Variants in ST6GALNAC5 observed in about 807,000 individuals in gnomAD.
ST6GALNAC5 encodes the protein alpha-N-acetylgalactosaminide alpha-2,6-sialyltransferase 5.
In ST6GALNAC5, 27 loss-of-function variants were observed where a neutral mutation model predicts 33.6. The observed-to-expected ratio is 0.80, with a 90% CI of 0.59 to 1.11. The LOEUF (loss-of-function observed/expected upper bound fraction) is 1.11, where lower values mean the gene tolerates loss of function less well. ST6GALNAC5 is among the 50% of genes least tolerant of loss of function. The pLI, the probability that ST6GALNAC5 is intolerant of heterozygous loss-of-function variation, is 0.00. For missense variants in ST6GALNAC5, 428 were observed against 454.0 expected, an observed-to-expected ratio of 0.94 and a Z score of 0.52; for synonymous variants, 194 against 171.2, an observed-to-expected ratio of 1.13 and a Z score of -1.04.
intron 2 of ST6GALNAC5, among the ~76,000 whole-genome samples, chr1:76,997,415 C>T (rs1268400664): frequency 6.6e-6 from 1 of 152,062 alleles, no homozygotes; most frequent in African/African-American, 2.4e-5. Context: ...AATGAATGAG[C>T]CTAGTTTTGA....
intron 2 of ST6GALNAC5, among the ~76,000 whole-genome samples, chr1:76,889,933 C>A (rs1049585841): frequency 4.6e-5 from 7 of 151,882 alleles, no homozygotes; most frequent in African/African-American, 1.7e-4. Flanking sequence ...ATAACTTAAA[C>A]CTTTGTAAGT....
chr1:76,913,906 C>T lies in ST6GALNAC5; in HGVS notation c.261+45164C>T, dbSNP rs572314523. Among the ~76,000 whole-genome samples the T allele has an allele frequency of 1.1e-4, 16 of 152,192 alleles. No individual in the cohort carries two copies. The South Asian group carries it at 2.7e-3, about 26-fold the overall frequency. On this transcript the variant is annotated intron_variant, in intron 2 of 4. Transcript: ENST00000477717. ...TAGGAAAAGAGGAAGTCAAATTGTC[C>T]CTGTTTGCAGACGACATGATTGTAT... is the stretch of plus-strand genomic sequence containing the variant.
At chr1:76,994,409 T>C (rs1205232897) in intron 2 of ST6GALNAC5, among the ~76,000 whole-genome samples, 1 of 152,228 alleles carries the variant, frequency 6.6e-6, no homozygotes, top group Non-Finnish European at 1.5e-5. Context: ...GGCTGAAACA[T>C]TCACAACTAG....
intron 2 of ST6GALNAC5, among the ~76,000 whole-genome samples, chr1:76,910,413 T>C (rs1414041726): frequency 1.3e-5 from 2 of 152,054 alleles, no homozygotes; most frequent in Non-Finnish European, 2.9e-5. Context: ...AAGTAAATAT[T>C]GTAATTTCAG....
intron 2 of ST6GALNAC5, among the ~76,000 whole-genome samples, chr1:76,889,358 T>G (rs991491218): frequency 6.6e-6 from 1 of 152,132 alleles, no homozygotes; most frequent in African/African-American, 2.4e-5. Context: ...TACCTGAATA[T>G]TACCCATGAT....
intron 2 of ST6GALNAC5, among the ~76,000 whole-genome samples, chr1:76,962,066 T>C (rs1648260128): frequency 6.6e-6 from 1 of 152,182 alleles, no homozygotes; most frequent in African/African-American, 2.4e-5. Context: ...TGAACAATCA[T>C]GTAGGCAGAT....
intron 2 of ST6GALNAC5, among the ~76,000 whole-genome samples, chr1:77,005,873 C>G (rs1296177454): frequency 6.6e-6 from 1 of 152,196 alleles, no homozygotes; most frequent in Non-Finnish European, 1.5e-5. Flanking sequence ...TAGTTTGAAT[C>G]AGAATTTCAT....
At chr1:76,998,894 C>G (rs184814281) in intron 2 of ST6GALNAC5, among the ~76,000 whole-genome samples, 211 of 152,196 alleles carry the variant, frequency 1.4e-3, no homozygotes, top group Middle Eastern at 3.4e-3. Context: ...AACAGCCAGC[C>G]TGTTATAGAA....
chr1:77,044,952 T>G (rs905218101), intron 3 of ST6GALNAC5, among the ~76,000 whole-genome samples: 1 of 152,094 alleles, frequency 6.6e-6, no homozygotes, highest in Non-Finnish European at 1.5e-5. Flanking sequence ...AAAAAAAAAG[T>G]ATATGGGTTT....
intron 2 of ST6GALNAC5, among the ~76,000 whole-genome samples, chr1:76,925,206 C>T (rs1204020439): frequency 3.3e-5 from 5 of 152,046 alleles, no homozygotes; most frequent in Non-Finnish European, 5.9e-5. Flanking sequence ...TTAAGCCACT[C>T]ATGAGGGATC....
intron 2 of ST6GALNAC5, among the ~76,000 whole-genome samples, chr1:76,894,401 G>C (rs1376398557): frequency 6.6e-6 from 1 of 152,028 alleles, no homozygotes; most frequent in Admixed American, 6.5e-5. Context: ...TTTTGTGTGG[G>C]GAGTTATGAC....
intron 2 of ST6GALNAC5, among the ~76,000 whole-genome samples, chr1:76,928,456 GT>G (rs748018593): frequency 4.6e-5 from 7 of 152,096 alleles, no homozygotes; most frequent in Admixed American, 1.3e-4. Context: ...TTCAGTAGGG[GT>G]TCTTTTCCCA....
intron 2 of ST6GALNAC5, among the ~76,000 whole-genome samples, chr1:76,907,284 G>T (rs1184141168): frequency 2.0e-5 from 3 of 151,948 alleles, no homozygotes; most frequent in Non-Finnish European, 4.4e-5. Flanking sequence ...TATATACTCT[G>T]ATCTTGACCC....
intron 2 of ST6GALNAC5, among the ~76,000 whole-genome samples, chr1:77,037,994 C>T (rs1651708122): frequency 6.6e-6 from 1 of 152,184 alleles, no homozygotes; most frequent in Admixed American, 6.5e-5. Context: ...TTACTATCTT[C>T]GTGTCATAGA....
chr1:76,991,092 C>T (rs1031671833), intron 2 of ST6GALNAC5, among the ~76,000 whole-genome samples: 4 of 151,990 alleles, frequency 2.6e-5, no homozygotes, highest in African/African-American at 9.7e-5. Context: ...AAATCAACAG[C>T]CAGATAGCAA....
intron 2 of ST6GALNAC5, among the ~76,000 whole-genome samples, chr1:77,027,348 A>G (rs895828132): frequency 6.6e-6 from 1 of 152,160 alleles, no homozygotes; most frequent in African/African-American, 2.4e-5. Flanking sequence ...GCCTCTTCCA[A>G]TTGCTGGAAG....
chr1:77,050,301 A>T lies in ST6GALNAC5; in HGVS notation c.715A>T (p.Thr239Ser). 1 of 1,614,122 alleles carries T rather than the reference A, an allele frequency of 6.2e-7. No homozygotes were observed. The highest frequency in any genetic ancestry group is 8.5e-7 in the Non-Finnish European group (1 of 1,179,944). Reference sequence around the variant, plus strand: ...GCTCAGCACTGGCTGGTTTACAATGACAATTGCACTGGAGCTCTGTGACAG... The same window carrying T: ...GCTCAGCACTGGCTGGTTTACAATGTCAATTGCACTGGAGCTCTGTGACAG... Reference protein sequence around the residue: ...TWLSTGWFTMTIALELCDRIN... With the variant: ...TWLSTGWFTMSIALELCDRIN... Residue 239 changes from threonine to serine, a missense_variant, in exon 4 of 5, where the codon ACA (threonine) becomes TCA (serine). By Grantham distance (58) the Thr-to-Ser change is moderately conservative. Transcript: ENST00000477717.
At chr1:76,874,490 T>C (rs1653581948) in intron 2 of ST6GALNAC5, among the ~76,000 whole-genome samples, 1 of 152,138 alleles carries the variant, frequency 6.6e-6, no homozygotes, top group East Asian at 1.9e-4. Context: ...CTTCCCACAA[T>C]AGGCTGTCTG....
chr1:76,986,298 G>T (rs956081951), intron 2 of ST6GALNAC5, among the ~76,000 whole-genome samples: 1 of 152,078 alleles, frequency 6.6e-6, no homozygotes, highest in South Asian at 2.1e-4. Context: ...AATCTACAAA[G>T]AACTTAAACA....
Sources: gnomAD v4.1 joint callset for allele counts (sites outside exome capture counted in the v4.1 genomes callset) on GRCh38, gnomAD v4.1.1 for gene constraint, MANE v1.5 for transcripts, NCBI Gene and HGNC (gene_info 2026-07-23, HGNC 2026-07-21) for gene names.